Variants in DEFB114 observed in about 807,000 individuals in gnomAD.
The protein encoded by DEFB114 is beta-defensin 114.
DEFB114 carries 4 observed loss-of-function variants against 2.4 expected under a neutral mutation model. The ratio of observed to expected loss-of-function variants is 1.67; its 90% CI spans 0.82 to 3.82. DEFB114 has a LOEUF of 3.82. Among genes scored for constraint, DEFB114 ranks in the 30% most tolerant of loss-of-function variants. The pLI, the probability that DEFB114 is intolerant of heterozygous loss-of-function variation, is 0.01. For missense variants in DEFB114, 113 were observed against 85.8 expected, an observed-to-expected ratio of 1.32 and a Z score of -1.25; for synonymous variants, 35 against 24.6, an observed-to-expected ratio of 1.42 and a Z score of -1.26.
At chr6:49,962,881 A>G (rs1195879587) in intron 1 of DEFB114, among the ~76,000 whole-genome samples, 1 of 150,212 alleles carries the variant, frequency 6.7e-6, no homozygotes, top group African/African-American at 2.4e-5. Context: ...TCTATTCTCC[A>G]TTGATTTATT....
chr6:49,964,075 A>G lies in DEFB114; in HGVS notation c.31T>C (p.Cys11Arg). 2 of 1,588,470 alleles carry G rather than the reference A, an allele frequency of 1.3e-6. No homozygotes were observed. Among genetic ancestry groups the G allele is most frequent in the African/African-American group, 1.4e-5 (1 of 73,526 alleles). MRIFYYLHFLCYVTFILPATC... is the reference protein window; with the variant it reads MRIFYYLHFLRYVTFILPATC... Reference sequence around the variant, plus strand: ...CCTGGTAGAATGAAGGTCACATAACACAGAAAATGGAGATAGTAAAAGATC... The same window carrying G: ...CCTGGTAGAATGAAGGTCACATAACGCAGAAAATGGAGATAGTAAAAGATC... The change falls in exon 1 of 2, where the codon TGT becomes CGT. Residue 11 changes from cysteine to arginine, a missense_variant. Cys to Arg is a radical substitution (Grantham distance 180). Coordinates refer to ENST00000322066, the MANE Select transcript of DEFB114 (RefSeq NM_001037499.2).
At chr6:49,961,459 A>G (rs1773458869) in intron 1 of DEFB114, among the ~76,000 whole-genome samples, 2 of 150,744 alleles carry the variant, frequency 1.3e-5, no homozygotes, top group South Asian at 4.1e-4. Flanking sequence ...TTTTCACTGT[A>G]TGCTTAATGT....
intron 1 of DEFB114, among the ~76,000 whole-genome samples, chr6:49,963,188 G>A (rs1773490153): frequency 6.7e-6 from 1 of 149,912 alleles, no homozygotes; most frequent in Non-Finnish European, 1.5e-5. Context: ...AACTGATCAG[G>A]ACATTACAAG....
chr6:49,960,529 C>T, intron 1 of DEFB114, 83 bp from the exon 2 acceptor site: 3 of 1,394,768 alleles, frequency 2.2e-6, no homozygotes, highest in East Asian at 5.1e-5. Context: ...ATGATGTGTA[C>T]ATTGTATCAA....
Position 49,960,667 on chromosome 6 carries a change from T to C in DEFB114, c.56-221A>G, listed in dbSNP as rs550962069. On this transcript the variant is annotated intron_variant, in intron 1 of 1. Coordinates refer to ENST00000322066, the MANE Select transcript of DEFB114 (RefSeq NM_001037499.2). ...GTATATATAAAATTAAAACTTGTTT[T>C]AAAATTAATATATGATTAAAAACTT... Among the ~76,000 whole-genome samples, 308 of 151,048 alleles carry C rather than the reference T, an allele frequency of 2.0e-3. 1 individual carries two copies. Among genetic ancestry groups the C allele is most frequent in the Middle Eastern group, 3.4e-3 (1 of 292 alleles).
intron 1 of DEFB114, among the ~76,000 whole-genome samples, chr6:49,961,078 G>A (rs867470815): frequency 1.4e-4 from 21 of 150,596 alleles, no homozygotes; most frequent in African/African-American, 2.7e-4. Flanking sequence ...ATTGTGGATA[G>A]TAACTTTTGT....
chr6:49,960,603 T>A (rs1773442347), intron 1 of DEFB114, among the ~76,000 whole-genome samples, 157 bp from the exon 2 acceptor site: 1 of 150,992 alleles, frequency 6.6e-6, no homozygotes, highest in Non-Finnish European at 1.5e-5. Flanking sequence ...TATATAACTA[T>A]CTTATACCCC....
intron 1 of DEFB114, among the ~76,000 whole-genome samples, chr6:49,960,750 T>A (rs1247193856): frequency 6.6e-6 from 1 of 150,894 alleles, no homozygotes; most frequent in Non-Finnish European, 1.5e-5. Flanking sequence ...TACACGACAA[T>A]GTGCATAATC....
chr6:49,960,872 G>A (rs909077992), intron 1 of DEFB114, among the ~76,000 whole-genome samples: 2 of 150,848 alleles, frequency 1.3e-5, no homozygotes, highest in Admixed American at 1.3e-4. Flanking sequence ...TATGATAGTT[G>A]TAAAAAAGTT....
At chr6:49,961,850 G>C (rs748962186) in intron 1 of DEFB114, among the ~76,000 whole-genome samples, 18 of 150,596 alleles carry the variant, frequency 1.2e-4, no homozygotes, top group Non-Finnish European at 1.8e-4. Flanking sequence ...TCATTTTAAA[G>C]CTTTATGTGA....
chr6:49,962,132 G>A (rs1423565062), intron 1 of DEFB114, among the ~76,000 whole-genome samples: 1 of 150,532 alleles, frequency 6.6e-6, no homozygotes, highest in Non-Finnish European at 1.5e-5. Flanking sequence ...CAATGGTAAG[G>A]TGTCTACATA....
chr6:49,962,740 G>T (rs966481314), intron 1 of DEFB114, among the ~76,000 whole-genome samples: 14 of 150,240 alleles, frequency 9.3e-5, no homozygotes, highest in Admixed American at 2.0e-4. Context: ...ATGAGATTTT[G>T]GATGTGGTAA....
At position 49,960,307 on chromosome 6, in the gene DEFB114, T is replaced by G. The variant is rs371645852; in HGVS notation, c.195A>C (p.Glu65Asp). 6.2e-7 allele frequency: 1 copy of G among 1,604,562 alleles called. No individual in the cohort carries two copies. Among genetic ancestry groups the G allele is most frequent in the Non-Finnish European group, 8.5e-7 (1 of 1,174,794 alleles). Residue 65 changes from glutamate to aspartate, a missense_variant, in exon 2 of 2, where the codon GAA becomes GAC. Coordinates refer to ENST00000322066, the MANE Select transcript of DEFB114 (RefSeq NM_001037499.2). Reference sequence around the variant, plus strand: ...GCCTTTCTTTTCAAAACATATCATCTTCTTCATACAATTTCTCAGTGCAGC... The same window carrying G: ...GCCTTTCTTTTCAAAACATATCATCGTCTTCATACAATTTCTCAGTGCAGC... ...KICCTEKLYEEDDMF is the reference protein window; with the variant it reads ...KICCTEKLYEDDDMF
intron 1 of DEFB114, among the ~76,000 whole-genome samples, chr6:49,961,874 G>A (rs1773466666): frequency 6.6e-6 from 1 of 150,694 alleles, no homozygotes; most frequent in Admixed American, 6.6e-5. Flanking sequence ...CAACAGTACA[G>A]CACATATATT....
At chr6:49,962,038 T>C (rs1582337376) in intron 1 of DEFB114, among the ~76,000 whole-genome samples, 1 of 150,640 alleles carries the variant, frequency 6.6e-6, no homozygotes, top group East Asian at 1.9e-4. Flanking sequence ...TTCAGGTTGT[T>C]TCCCATTTTT....
chr6:49,960,345 G>T lies in DEFB114; in HGVS notation c.157C>A (p.Pro53Thr). The T allele has an allele frequency of 6.2e-7, 1 of 1,606,232 alleles. No homozygotes were observed. The highest frequency in any genetic ancestry group is 1.1e-5 in the South Asian group (1 of 90,532). ...SEKQIDICSL[P>T]RKICCTEKLY... ...TTCTCAGTGCAGCAAATTTTTCTTGGTAAGGAACATATGTCTATTTGCTTT... is the reference window on the plus strand; with the variant it reads ...TTCTCAGTGCAGCAAATTTTTCTTGTTAAGGAACATATGTCTATTTGCTTT... The change falls in exon 2 of 2, where the codon CCA becomes ACA. Residue 53 changes from proline to threonine, a missense_variant. Physicochemically the swap from Pro to Thr is conservative, Grantham distance 38 (BLOSUM62 -1). Transcript: ENST00000322066.
At chr6:49,961,336 T>C (rs1436838589) in intron 1 of DEFB114, among the ~76,000 whole-genome samples, 1 of 150,722 alleles carries the variant, frequency 6.6e-6, no homozygotes, top group Non-Finnish European at 1.5e-5. Context: ...ATAGTATTTT[T>C]CTCTTTATAT....
intron 1 of DEFB114, among the ~76,000 whole-genome samples, chr6:49,962,062 C>A (rs747050134): frequency 6.7e-6 from 1 of 150,322 alleles, no homozygotes; most frequent in Non-Finnish European, 1.5e-5. Flanking sequence ...TACTTTTGTA[C>A]TTGACTCTTG....
intron 1 of DEFB114, among the ~76,000 whole-genome samples, chr6:49,962,354 A>G (rs1029370034): frequency 6.6e-6 from 1 of 150,500 alleles, no homozygotes; most frequent in African/African-American, 2.4e-5. Context: ...TGATTACTGA[A>G]AAAGGGTAAC....
Sources: allele counts gnomAD v4.1 joint callset (sites outside exome capture counted in the v4.1 genomes callset), GRCh38; gene constraint gnomAD v4.1.1; transcripts MANE v1.5; gene names NCBI Gene and HGNC (gene_info 2026-07-23, HGNC 2026-07-21).